Variants in HIP1 observed in about 807,000 individuals in gnomAD.
HIP1 encodes the protein huntingtin-interacting protein 1.
In HIP1, 65 loss-of-function variants were observed where a neutral mutation model predicts 147.6. That is an observed-to-expected ratio of 0.44 (90% confidence interval 0.36 to 0.54). The LOEUF (loss-of-function observed/expected upper bound fraction) is 0.54. HIP1 is among the 20% of genes least tolerant of loss of function. The pLI is 0.00. For synonymous variants in HIP1, 479 were observed against 504.0 expected (o/e 0.95, Z 0.67); for missense variants, 1,061 against 1,299.6 (o/e 0.82, Z 2.82).
intron 8 of HIP1, among the ~76,000 whole-genome samples, chr7:75,570,659 C>T (rs937745832): frequency 3.9e-5 from 6 of 151,954 alleles, no homozygotes; most frequent in East Asian, 3.9e-4. Context: ...CGAGAACTCT[C>T]GGTACTATTT....
At chr7:75,560,025 A>C (rs1795168876) in intron 13 of HIP1, 110 bp from the exon 14 acceptor site, 2 of 1,095,650 alleles carry the variant, frequency 1.8e-6, no homozygotes, top group Admixed American at 2.8e-5. Flanking sequence ...GATTCCCCTA[A>C]GTCAACTCTC....
chr7:75,612,932 C>T (rs921541086), intron 1 of HIP1, among the ~76,000 whole-genome samples: 4 of 151,884 alleles, frequency 2.6e-5, no homozygotes, highest in Non-Finnish European at 5.9e-5. Context: ...GGTGAAACTC[C>T]GTCTCTACTA....
chr7:75,671,604 G>A, intron 1 of HIP1, among the ~76,000 whole-genome samples: 1 of 152,080 alleles, frequency 6.6e-6, no homozygotes, highest in East Asian at 1.9e-4. Context: ...TGGATCATAT[G>A]GTGATTCTAT....
chr7:75,680,608 CT>C (rs11333812), intron 1 of HIP1, among the ~76,000 whole-genome samples: 88,263 of 151,474 alleles, frequency 0.58, 26,314 homozygotes, highest in African/African-American at 0.69. Context: ...TAAAATATAA[CT>C]TTTTTTTCTT....
intron 1 of HIP1, among the ~76,000 whole-genome samples, chr7:75,604,634 G>A (rs1797146177): frequency 6.6e-6 from 1 of 151,328 alleles, no homozygotes; most frequent in African/African-American, 2.4e-5. Context: ...GCATCACTAT[G>A]CTCGTCTGAA....
chr7:75,587,570 C>CTA (rs782319134), intron 4 of HIP1, among the ~76,000 whole-genome samples: 11 of 152,136 alleles, frequency 7.2e-5, no homozygotes, highest in Non-Finnish European at 1.6e-4. Flanking sequence ...GAAATTTTTG[C>CTA]TATCATAAAC....
rs143882450 is a variant in HIP1, at chr7:75,546,815, A to G, written c.2559+124T>C. On this transcript the variant is annotated intron_variant, in intron 25 of 30. Transcript: ENST00000336926. ...CCCCAGGGCCTCTGCTGATATCTAC[A>G]GGAGTGGCTGCTCTGTACTCAGGTG... 963 of 694,008 alleles carry G rather than the reference A, an allele frequency of 1.4e-3. 13 individuals carry two copies. The African/African-American group carries it at 0.016, about 11-fold the overall frequency. The allele number at this position is 694,008 out of a possible 1,614,324, so 43.0% of individuals were successfully genotyped here.
chr7:75,656,435 A>G (rs1475819287), intron 1 of HIP1, among the ~76,000 whole-genome samples: 1 of 150,204 alleles, frequency 6.7e-6, no homozygotes, highest in Non-Finnish European at 1.5e-5. Flanking sequence ...TAAACTTAGA[A>G]AAAAAAAAAA....
At chr7:75,660,651 C>G (rs1348347065) in intron 1 of HIP1, among the ~76,000 whole-genome samples, 1 of 152,150 alleles carries the variant, frequency 6.6e-6, no homozygotes, top group Non-Finnish European at 1.5e-5. Context: ...CAGCAAAATA[C>G]TATCAAGACG....
At chr7:75,633,084 C>A (rs2117131920) in intron 1 of HIP1, among the ~76,000 whole-genome samples, 1 of 152,096 alleles carries the variant, frequency 6.6e-6, no homozygotes, top group African/African-American at 2.4e-5. Flanking sequence ...TTGATCTGTG[C>A]AGCAAACCAG....
At chr7:75,589,168 G>A (rs1187651489) in intron 4 of HIP1, among the ~76,000 whole-genome samples, 1 of 150,190 alleles carries the variant, frequency 6.7e-6, no homozygotes, top group Non-Finnish European at 1.5e-5. Context: ...AAAAAAAGAA[G>A]AAGAAGAAGA....
At chr7:75,635,446 C>T (rs587600311) in intron 1 of HIP1, among the ~76,000 whole-genome samples, 53 of 152,052 alleles carry the variant, frequency 3.5e-4, no homozygotes, top group African/African-American at 1.2e-3. Flanking sequence ...GGCATGGTGG[C>T]GGGCGCCTGT....
In HIP1 at chr7:75,533,857, C is replaced by T. The variant is rs782262534; in HGVS notation, c.*4315G>A. 15 of 235,060 alleles carry T rather than the reference C, an allele frequency of 6.4e-5. No homozygotes were observed. The highest frequency in any genetic ancestry group is 1.1e-4 in the Non-Finnish European group (13 of 119,258). 14.6% of individuals were successfully genotyped at this position (235,060 alleles called of 1,614,324 possible). On this transcript the variant is annotated 3_prime_UTR_variant, in exon 31 of 31. Transcript: ENST00000336926. ...GCTGGTTTGCTGCGCCGATGGCTGG[C>T]AGGTCCGTGGTGGTGGTTTTCTATG...
chr7:75,574,007 G>C (rs1419615931), intron 7 of HIP1, 106 bp from the exon 8 acceptor site: 2 of 912,300 alleles, frequency 2.2e-6, no homozygotes, highest in African/African-American at 1.6e-5. Flanking sequence ...GACCGATTCT[G>C]TGCGTGCTTT....
intron 1 of HIP1, among the ~76,000 whole-genome samples, chr7:75,669,381 A>C (rs1799668806): frequency 1.3e-5 from 2 of 151,776 alleles, no homozygotes; most frequent in Admixed American, 1.3e-4. Context: ...TCAAAAAAAC[A>C]AAACAAAACA....
At chr7:75,651,230 C>G (rs1300330459) in intron 1 of HIP1, among the ~76,000 whole-genome samples, 2 of 151,768 alleles carry the variant, frequency 1.3e-5, no homozygotes, top group African/African-American at 2.4e-5. Flanking sequence ...GAGGCAGAGG[C>G]AGGCCGATCA....
At chr7:75,606,016 G>C (rs368499442) in intron 1 of HIP1, among the ~76,000 whole-genome samples, 2 of 151,922 alleles carry the variant, frequency 1.3e-5, no homozygotes, top group Non-Finnish European at 2.9e-5. Context: ...TGCCTGGCTA[G>C]TTGGTTTTTT....
chr7:75,631,343 C>T (rs782454285), intron 1 of HIP1, among the ~76,000 whole-genome samples: 4 of 152,206 alleles, frequency 2.6e-5, no homozygotes, highest in East Asian at 3.9e-4. Flanking sequence ...GCCTTAGAAG[C>T]GAGGAAACAG....
chr7:75,607,279 G>C (rs1461031125), intron 1 of HIP1, among the ~76,000 whole-genome samples: 7 of 148,472 alleles, frequency 4.7e-5, no homozygotes, highest in Non-Finnish European at 8.9e-5. Context: ...GCCCAGGCTG[G>C]AGTGCAGTGG....
Sources: allele counts gnomAD v4.1 joint callset (sites outside exome capture counted in the v4.1 genomes callset), GRCh38; gene constraint gnomAD v4.1.1; transcripts MANE v1.5; gene names NCBI Gene and HGNC (gene_info 2026-07-23, HGNC 2026-07-21).